MMS22L: variants seen among roughly 807,000 people sequenced by gnomAD.
The protein encoded by MMS22L is protein MMS22-like.
A neutral mutation model predicts 159.1 loss-of-function variants in MMS22L; 74 were observed. That is an observed-to-expected ratio of 0.47 (90% CI 0.39 to 0.56). The LOEUF (loss-of-function observed/expected upper bound fraction) is 0.56, where lower values mean the gene tolerates loss of function less well. Ranked by LOEUF, MMS22L falls within the 20% of genes least tolerant of loss-of-function variation. The probability of loss-of-function intolerance (pLI) is 0.00; values close to 1 mark genes in which losing one functional copy is unlikely to be tolerated. For missense variants in MMS22L, 1,351 were observed against 1,422.1 expected, an observed-to-expected ratio of 0.95 and a Z score of 0.80; for synonymous variants, 517 against 506.9, an observed-to-expected ratio of 1.02 and a Z score of -0.27.
chr6:97,186,106 T>C (rs899312313), intron 15 of MMS22L, among the ~76,000 whole-genome samples: 1 of 152,118 alleles, frequency 6.6e-6, no homozygotes, highest in Non-Finnish European at 1.5e-5. Flanking sequence ...CTTCTTGGGA[T>C]TGAAGTGGTA....
At chr6:97,248,893 C>G (rs1211388073) in intron 10 of MMS22L, among the ~76,000 whole-genome samples, 5 of 151,950 alleles carry the variant, frequency 3.3e-5, no homozygotes, top group East Asian at 3.9e-4. Flanking sequence ...TTGCCCATAG[C>G]TTCCTGGAGG....
At chr6:97,194,403 C>G (rs1018581009) in intron 14 of MMS22L, among the ~76,000 whole-genome samples, 4 of 152,130 alleles carry the variant, frequency 2.6e-5, no homozygotes, top group Admixed American at 2.0e-4. Context: ...TATGGTGCAC[C>G]ATGCTGTGGG....
chr6:97,185,330 T>C (rs1305575153), intron 15 of MMS22L, among the ~76,000 whole-genome samples: 1 of 152,202 alleles, frequency 6.6e-6, no homozygotes, highest in African/African-American at 2.4e-5. Flanking sequence ...TCAGTAACTT[T>C]TTTTAAATGA....
Position 97,179,536 on chromosome 6 carries a change from T to C in MMS22L, c.2408A>G (p.His803Arg), listed in dbSNP as rs1005204869. 7.5e-6 allele frequency: 12 copies of C among 1,610,448 alleles called. No individual in the cohort carries two copies. The highest frequency in any genetic ancestry group is 2.7e-5 in the African/African-American group (2 of 74,758). ...GGCTTGAAAAGATACATAGCCTGAA[T>C]GAGAAAGTGCTTCACATAATGTGCT... Reference protein sequence around the residue: ...QNSTLCEALSHSGYVSFQALT... With the variant: ...QNSTLCEALSRSGYVSFQALT... Residue 803 changes from histidine to arginine, a missense_variant, in exon 17 of 25, where the codon CAT (histidine) becomes CGT (arginine). Coordinates refer to ENST00000683635, the MANE Select transcript of MMS22L (RefSeq NM_001350599.2).
At chr6:97,263,079 C>T (rs540810723) in intron 9 of MMS22L, among the ~76,000 whole-genome samples, 5 of 151,966 alleles carry the variant, frequency 3.3e-5, no homozygotes, top group African/African-American at 1.2e-4. Context: ...TCTGATAGAA[C>T]AACAACAACA....
intron 15 of MMS22L, 39 bp downstream of exon 15, chr6:97,186,458 G>C: frequency 6.4e-7 from 1 of 1,565,590 alleles, no homozygotes; most frequent in Middle Eastern, 1.7e-4. Context: ...CAAAGAGTCT[G>C]CAAAAAGAGA....
intron 11 of MMS22L, among the ~76,000 whole-genome samples, chr6:97,234,612 A>G (rs531973024): frequency 4.6e-5 from 7 of 152,336 alleles, no homozygotes; most frequent in African/African-American, 1.7e-4. Context: ...CGTACTAGGC[A>G]TAGGACAACA....
At chr6:97,188,742 T>C (rs1182488563) in intron 14 of MMS22L, among the ~76,000 whole-genome samples, 1 of 152,018 alleles carries the variant, frequency 6.6e-6, no homozygotes, top group African/African-American at 2.4e-5. Flanking sequence ...GGTGGATCAC[T>C]CGAGGCCAGC....
Position 97,248,968 on chromosome 6 carries a change from T to C in MMS22L, c.1120-2278A>G, listed in dbSNP as rs977318201. Among the ~76,000 whole-genome samples the C allele has an allele frequency of 9.9e-5, 15 of 152,176 alleles. 1 individual carries two copies. The highest frequency in any genetic ancestry group is 3.4e-4 in the African/African-American group (14 of 41,514). On this transcript the variant is annotated intron_variant, in intron 10 of 24. Transcript: ENST00000683635. ...ATCTTTGACTAGGGTCCTATGGTCA[T>C]ACTGGATAATCTAACTATGTGATAG...
At chr6:97,173,266 CCATAAAGATTTGGAA>C (rs1562416791) in intron 18 of MMS22L, 44 bp from the exon 19 acceptor site, 1 of 1,564,820 alleles carries the variant, frequency 6.4e-7, no homozygotes, top group South Asian at 1.2e-5. Flanking sequence ...AAAGTTTATA[CCATAAAGATTTGGAA>C]CATAAAGATA....
At position 97,168,245 on chromosome 6, in the gene MMS22L, CAAA is replaced by C. The variant is rs1803178829; in HGVS notation, c.2840-8_2840-6del. The C allele has an allele frequency of 1.2e-6, 2 of 1,611,474 alleles. No individual in the cohort carries two copies. The highest frequency in any genetic ancestry group is 3.3e-5 in the Admixed American group (2 of 59,712). ...CCCATGATTTCACAAGAATTCCTAACAAAGAAGAGAAGTAACAGCATGTTGTTG... is the reference window on the plus strand; with the variant it reads ...CCCATGATTTCACAAGAATTCCTAACGAAGAGAAGTAACAGCATGTTGTTG... On this transcript the variant is annotated splice_polypyrimidine_tract_variant and splice_region_variant and intron_variant, in intron 19 of 24. Transcript: ENST00000683635.
chr6:97,188,314 AT>A (rs2128282879), intron 14 of MMS22L, among the ~76,000 whole-genome samples: 1 of 152,292 alleles, frequency 6.6e-6, no homozygotes, highest in South Asian at 2.1e-4. Flanking sequence ...AGTAGGATGG[AT>A]TTTGCTCACC....
chr6:97,148,624 A>T (rs1801032539), intron 24 of MMS22L, among the ~76,000 whole-genome samples: 1 of 152,114 alleles, frequency 6.6e-6, no homozygotes, highest in South Asian at 2.1e-4. Context: ...ATAAAGAAAG[A>T]AAATATTTTT....
chr6:97,282,785 C>T (rs1354262019), intron 1 of MMS22L, among the ~76,000 whole-genome samples: 1 of 152,168 alleles, frequency 6.6e-6, no homozygotes, highest in African/African-American at 2.4e-5. Flanking sequence ...CAGCCCAGGA[C>T]AAGGTGAAAA....
chr6:97,245,068 C>T (rs1016047141), intron 11 of MMS22L, among the ~76,000 whole-genome samples: 21 of 152,008 alleles, frequency 1.4e-4, no homozygotes, highest in African/African-American at 4.8e-4. Flanking sequence ...GCCAACAGAG[C>T]TGAATTTATA....
At chr6:97,172,492 A>G (rs780969668) in intron 19 of MMS22L, among the ~76,000 whole-genome samples, 8 of 152,168 alleles carry the variant, frequency 5.3e-5, no homozygotes, top group Non-Finnish European at 1.0e-4. Context: ...GGTTAGCACC[A>G]TGGTTTTCGT....
intron 10 of MMS22L, among the ~76,000 whole-genome samples, chr6:97,247,294 C>G (rs1812764049): frequency 6.6e-6 from 1 of 152,156 alleles, no homozygotes; most frequent in Non-Finnish European, 1.5e-5. Flanking sequence ...GACATTCTCA[C>G]AGGATACTCA....
chr6:97,174,765 G>A (rs114035867), intron 18 of MMS22L, among the ~76,000 whole-genome samples: 4 of 152,146 alleles, frequency 2.6e-5, no homozygotes, highest in African/African-American at 4.8e-5. Context: ...TTCTTTCACT[G>A]AAAGACTGAA....
intron 22 of MMS22L, among the ~76,000 whole-genome samples, chr6:97,155,701 T>C (rs935914863): frequency 2.0e-5 from 3 of 152,210 alleles, no homozygotes; most frequent in African/African-American, 7.2e-5. Context: ...ATTTTCTTTA[T>C]TCAGTCTATC....
Sources: allele counts gnomAD v4.1 joint callset (sites outside exome capture counted in the v4.1 genomes callset), GRCh38; gene constraint gnomAD v4.1.1; transcripts MANE v1.5; gene names NCBI Gene and HGNC (gene_info 2026-07-23, HGNC 2026-07-21).